NUDCD3: variants seen among roughly 807,000 people sequenced by gnomAD.
NUDCD3 encodes the protein nudC domain-containing protein 3.
Under a neutral mutation model 39.7 loss-of-function variants are expected in NUDCD3, and 13 were observed. The observed-to-expected ratio is 0.33, with a 90% confidence interval of 0.21 to 0.52. NUDCD3 has a LOEUF of 0.52. Ranked by LOEUF, NUDCD3 falls within the 20% of genes least tolerant of loss-of-function variation. The pLI, the probability that NUDCD3 is intolerant of heterozygous loss-of-function variation, is 0.96. For synonymous variants in NUDCD3, 175 were observed against 172.4 expected (o/e 1.02, Z -0.12); for missense variants, 453 against 458.1 (o/e 0.99, Z 0.10).
At chr7:44,406,571 A>G (rs528472188) in intron 3 of NUDCD3, among the ~76,000 whole-genome samples, 1 of 152,312 alleles carries the variant, frequency 6.6e-6, no homozygotes, top group South Asian at 2.1e-4. Context: ...AGCTCTATAT[A>G]ACATAATAAT....
chr7:44,431,791 A>G (rs1018692898), intron 2 of NUDCD3, among the ~76,000 whole-genome samples: 6 of 150,416 alleles, frequency 4.0e-5, no homozygotes, highest in African/African-American at 1.2e-4. Context: ...TCCTGCCTCA[A>G]TCTCCAGAGT....
chr7:44,465,296 T>G, intron 2 of NUDCD3, among the ~76,000 whole-genome samples: 1 of 152,222 alleles, frequency 6.6e-6, no homozygotes, highest in East Asian at 1.9e-4. Flanking sequence ...GCTGAGAGAA[T>G]ACAGACAGCC....
At chr7:44,388,992 G>C (rs1798457846) in intron 5 of NUDCD3, among the ~76,000 whole-genome samples, 1 of 152,210 alleles carries the variant, frequency 6.6e-6, no homozygotes, top group African/African-American at 2.4e-5. Context: ...CCCCATGCTA[G>C]GTCACAAGAA....
intron 3 of NUDCD3, among the ~76,000 whole-genome samples, chr7:44,413,685 C>A (rs1243406077): frequency 6.6e-6 from 1 of 152,180 alleles, no homozygotes; most frequent in African/African-American, 2.4e-5. Flanking sequence ...AAACCAAGGG[C>A]TCTTGTACAT....
chr7:44,418,064 G>T (rs1799060603), intron 3 of NUDCD3, among the ~76,000 whole-genome samples: 1 of 152,144 alleles, frequency 6.6e-6, no homozygotes, highest in Admixed American at 6.5e-5. Flanking sequence ...CACAGGGCAG[G>T]TTTAGGACAT....
At chr7:44,454,967 A>ACC (rs1554493547) in intron 2 of NUDCD3, among the ~76,000 whole-genome samples, 3 of 149,258 alleles carry the variant, frequency 2.0e-5, no homozygotes, top group African/African-American at 7.4e-5. Flanking sequence ...ACACACACAC[A>ACC]CCCTTTCTTT....
chr7:44,428,123 TAAAAAAAAAA>T (rs55642004), intron 2 of NUDCD3, among the ~76,000 whole-genome samples: 129 of 76,106 alleles, frequency 1.7e-3, no homozygotes, highest in African/African-American at 5.6e-3. Flanking sequence ...GGTCAATCTT[TAAAAAAAAAA>T]AAAAAAAAAA....
rs1383003119 is a variant in NUDCD3, at chr7:44,379,361, A to C, written c.*6650T>G. On this transcript the variant is annotated 3_prime_UTR_variant, in exon 6 of 6. Transcript: ENST00000355451. The stretch of plus-strand genomic sequence containing the variant: ...GAGCAGTTATCTTGGGACAGAGATG[A>C]GGCAGTTGGCGGGGCGGGGCGGGGT... The C allele has an allele frequency of 1.6e-5, 1 of 60,848 alleles. No homozygotes were observed. Among genetic ancestry groups the C allele is most frequent in the East Asian group, 4.9e-4 (1 of 2,054 alleles). The allele number at this position is 60,848 out of a possible 1,614,324, so 3.8% of individuals were successfully genotyped here. A position where few individuals can be genotyped will look rare whatever the true frequency, so the allele number is the denominator to read the frequency against.
At chr7:44,481,878 G>A (rs1393519092) in intron 2 of NUDCD3, among the ~76,000 whole-genome samples, 1 of 152,182 alleles carries the variant, frequency 6.6e-6, no homozygotes, top group East Asian at 1.9e-4. Flanking sequence ...AGATTTGAGA[G>A]AGTTCTCTCA....
At chr7:44,392,535 C>T (rs931955105) in intron 4 of NUDCD3, 50 bp from the exon 5 acceptor site, 2 of 1,560,116 alleles carry the variant, frequency 1.3e-6, no homozygotes, top group Non-Finnish European at 1.8e-6. Flanking sequence ...AGACAGGTGT[C>T]CAGGGCTGGG....
At chr7:44,424,065 C>T (rs1433482946) in intron 3 of NUDCD3, among the ~76,000 whole-genome samples, 15 of 152,088 alleles carry the variant, frequency 9.9e-5, no homozygotes, top group African/African-American at 3.6e-4. Flanking sequence ...ATTTAATAAA[C>T]AGTGCTGGGA....
chr7:44,447,360 T>A (rs779033771), intron 2 of NUDCD3, among the ~76,000 whole-genome samples: 13 of 152,266 alleles, frequency 8.5e-5, no homozygotes, highest in Non-Finnish European at 1.8e-4. Flanking sequence ...GTTTCCCATC[T>A]ACTATGGTTT....
chr7:44,417,315 T>G (rs1043587120), intron 3 of NUDCD3, among the ~76,000 whole-genome samples: 4 of 152,198 alleles, frequency 2.6e-5, no homozygotes, highest in Non-Finnish European at 4.4e-5. Flanking sequence ...CATAACACGG[T>G]GCCGACCACA....
rs572965113 is a variant in NUDCD3 at position 44,379,736 on chromosome 7, G to A, written c.*6275C>T. 6.6e-6 allele frequency: 1 copy of A among 152,384 alleles called. No individual in the cohort carries two copies. Among genetic ancestry groups the A allele is most frequent in the South Asian group, 2.1e-4 (1 of 4,830 alleles). 9.4% of individuals were successfully genotyped at this position (152,384 alleles called of 1,614,324 possible). ...TGGAGAATAGTTTAGGGGTGCCCGAGTTTCCCCCACTGCATAGAGCCTGGT... is the reference window on the plus strand; with the variant it reads ...TGGAGAATAGTTTAGGGGTGCCCGAATTTCCCCCACTGCATAGAGCCTGGT... On this transcript the variant is annotated 3_prime_UTR_variant, in exon 6 of 6. Coordinates refer to ENST00000355451, the MANE Select transcript of NUDCD3 (RefSeq NM_015332.4).
chr7:44,484,930 C>T (rs373855791), intron 2 of NUDCD3, 38 bp downstream of exon 2: 32 of 1,464,072 alleles, frequency 2.2e-5, no homozygotes, highest in South Asian at 3.9e-5. Context: ...CCAGATGTTA[C>T]GCAAGAAAGA....
At chr7:44,480,870 A>G (rs1008683477) in intron 2 of NUDCD3, among the ~76,000 whole-genome samples, 10 of 149,320 alleles carry the variant, frequency 6.7e-5, no homozygotes, top group Non-Finnish European at 1.2e-4. Flanking sequence ...TGAGCTCAGA[A>G]GGCAGAGGCT....
intron 3 of NUDCD3, 90 bp from the exon 4 acceptor site, chr7:44,404,673 C>A: frequency 7.1e-7 from 1 of 1,406,032 alleles, no homozygotes; most frequent in African/African-American, 1.4e-5. Context: ...TCCAAGGTAC[C>A]TGACTGCACA....
At chr7:44,456,025 C>CAAAAAAAAAAAAAAAAAA (rs1233592095) in intron 2 of NUDCD3, among the ~76,000 whole-genome samples, 1 of 28,498 alleles carries the variant, frequency 3.5e-5, no homozygotes, top group Non-Finnish European at 5.7e-5. Flanking sequence ...GACTCCGTCT[C>CAAAAAAAAAAAAAAAAAA]AAAAAAAAAA....
At chr7:44,483,979 A>G (rs988704265) in intron 2 of NUDCD3, among the ~76,000 whole-genome samples, 1 of 152,210 alleles carries the variant, frequency 6.6e-6, no homozygotes, top group Non-Finnish European at 1.5e-5. Flanking sequence ...ACTGCACTCC[A>G]GCCTGGCCAA....
Sources: gnomAD v4.1 joint callset for allele counts (sites outside exome capture counted in the v4.1 genomes callset) on GRCh38, gnomAD v4.1.1 for gene constraint, MANE v1.5 for transcripts, NCBI Gene and HGNC (gene_info 2026-07-23, HGNC 2026-07-21) for gene names.